The following C1orf105 variants were observed in gnomAD, a reference collection of about 807,000 sequenced individuals.
The protein encoded by C1orf105 is chromosome 1 open reading frame 105.
C1orf105 carries 17 observed loss-of-function variants against 20.8 expected under a neutral mutation model. That is an observed-to-expected ratio of 0.82 (90% CI 0.56 to 1.23). The LOEUF is 1.23. C1orf105 is among the 50% of genes most tolerant of loss of function. C1orf105 has a pLI of 0.00. For missense variants in C1orf105, 219 were observed against 213.5 expected, an observed-to-expected ratio of 1.03 and a Z score of -0.16; for synonymous variants, 72 against 72.1, an observed-to-expected ratio of 1.00 and a Z score of 0.01.
intron 5 of C1orf105, among the ~76,000 whole-genome samples, chr1:172,462,659 AGTTT>A (rs775649621): frequency 4.6e-5 from 7 of 152,144 alleles, no homozygotes; most frequent in Admixed American, 1.3e-4. Flanking sequence ...CCTCTTTATC[AGTTT>A]GTTTGGTTGT....
At chr1:172,441,717 G>C (rs1164562459) in intron 1 of C1orf105, 8 of 1,527,010 alleles carry the variant, frequency 5.2e-6, no homozygotes, top group Non-Finnish European at 7.0e-6. Flanking sequence ...ATAATGTAAT[G>C]GATGTCCTAA....
intron 3 of C1orf105, among the ~76,000 whole-genome samples, chr1:172,455,588 A>G (rs902655529): frequency 1.3e-5 from 2 of 152,230 alleles, no homozygotes; most frequent in Admixed American, 6.5e-5. Context: ...GCAAACTTTT[A>G]TCAGAGATGC....
At chr1:172,454,076 C>T (rs889134028) in intron 3 of C1orf105, among the ~76,000 whole-genome samples, 2 of 152,142 alleles carry the variant, frequency 1.3e-5, no homozygotes, top group Non-Finnish European at 2.9e-5. Flanking sequence ...ATTCCACTTC[C>T]TATAGGGTCT....
intron 5 of C1orf105, among the ~76,000 whole-genome samples, chr1:172,463,326 G>GA (rs1319705752): frequency 1.3e-5 from 2 of 152,152 alleles, no homozygotes; most frequent in African/African-American, 4.8e-5. Context: ...CAATAATGTG[G>GA]AAAAATAAAT....
intron 3 of C1orf105, among the ~76,000 whole-genome samples, chr1:172,449,750 G>A (rs1648402860): frequency 6.6e-6 from 1 of 152,220 alleles, no homozygotes; most frequent in East Asian, 1.9e-4. Context: ...GGACAGGCAA[G>A]TAGGTAACAT....
intron 1 of C1orf105, among the ~76,000 whole-genome samples, chr1:172,427,423 A>G (rs1279593399): frequency 6.6e-6 from 1 of 152,170 alleles, no homozygotes; most frequent in Non-Finnish European, 1.5e-5. Flanking sequence ...GGGTGCAAAC[A>G]TGCTATCATT....
chr1:172,426,303 C>A (rs1325077269), intron 1 of C1orf105, among the ~76,000 whole-genome samples: 6 of 152,050 alleles, frequency 3.9e-5, no homozygotes, highest in Non-Finnish European at 7.4e-5. Flanking sequence ...GTTTTCAGAC[C>A]ATTCTTCTTT....
At chr1:172,423,720 CAGAG>C (rs752914928) in intron 1 of C1orf105, among the ~76,000 whole-genome samples, 1 of 151,892 alleles carries the variant, frequency 6.6e-6, no homozygotes, top group Non-Finnish European at 1.5e-5. Context: ...CAAGATAACA[CAGAG>C]AGGGAGAATT....
chr1:172,443,698 G>T (rs1282865083), intron 1 of C1orf105: 2 of 167,128 alleles, frequency 1.2e-5, no homozygotes, highest in African/African-American at 4.8e-5. Flanking sequence ...GCCAGACACC[G>T]TTACCCCCTC....
intron 4 of C1orf105, among the ~76,000 whole-genome samples, chr1:172,461,612 C>T (rs1649698166): frequency 6.6e-6 from 1 of 152,144 alleles, no homozygotes; most frequent in Non-Finnish European, 1.5e-5. Context: ...ATGAAAGACA[C>T]CTTTAAAATT....
chr1:172,459,769 A>G (rs1049110005), intron 4 of C1orf105, among the ~76,000 whole-genome samples: 2 of 152,202 alleles, frequency 1.3e-5, no homozygotes, highest in Non-Finnish European at 2.9e-5. Flanking sequence ...TAGCAGCCAT[A>G]TCTTAATAGC....
intron 6 of C1orf105, 112 bp from the exon 7 acceptor site, chr1:172,468,337 T>TG: frequency 1.2e-6 from 1 of 808,682 alleles, no homozygotes; most frequent in Non-Finnish European, 1.8e-6. Flanking sequence ...GAATTTTAAA[T>TG]CTGTTTTATA....
At chr1:172,444,248 C>T (rs1013302222) in intron 1 of C1orf105, 2 of 985,272 alleles carry the variant, frequency 2.0e-6, no homozygotes, top group African/African-American at 3.5e-5. Context: ...CCCAGCAATC[C>T]CCTATTGAAA....
chr1:172,422,844 C>T (rs2071625190), intron 1 of C1orf105, among the ~76,000 whole-genome samples: 1 of 152,040 alleles, frequency 6.6e-6, no homozygotes, highest in Non-Finnish European at 1.5e-5. Flanking sequence ...GGCAGTATCC[C>T]AGCAGTACTC....
chr1:172,437,808 T>C (rs898315828), intron 1 of C1orf105, among the ~76,000 whole-genome samples: 1 of 151,742 alleles, frequency 6.6e-6, no homozygotes, highest in Non-Finnish European at 1.5e-5. Context: ...CAAAGGTAGC[T>C]ACACTCAACA....
At chr1:172,464,546 A>T (rs1649906896) in intron 5 of C1orf105, among the ~76,000 whole-genome samples, 1 of 152,082 alleles carries the variant, frequency 6.6e-6, no homozygotes. Context: ...GAGAAATAGG[A>T]TGTGGTCAGG....
intron 2 of C1orf105, among the ~76,000 whole-genome samples, chr1:172,445,906 G>A (rs532346993): frequency 4.8e-4 from 73 of 152,248 alleles, no homozygotes; most frequent in African/African-American, 1.7e-3. Context: ...ATGACTCCTT[G>A]GCATTCGAAA....
Position 172,442,529 on chromosome 1 carries a change from G to A in C1orf105, c.22-2544G>A, listed in dbSNP as rs762595686. On this transcript the variant is annotated intron_variant, in intron 1 of 6. Coordinates refer to ENST00000367727, the MANE Select transcript of C1orf105 (RefSeq NM_139240.4). Reference sequence around the variant, plus strand: ...TTTTTCCGGAGCTCTTCCAGGAATCGCCGGTCCACATAGTTATCAGGAAAG... The same window carrying A: ...TTTTTCCGGAGCTCTTCCAGGAATCACCGGTCCACATAGTTATCAGGAAAG... 1.1e-5 allele frequency: 18 copies of A among 1,613,978 alleles called. No individual in the cohort carries two copies. The East Asian group carries it at 2.7e-4, about 24-fold the overall frequency.
chr1:172,452,727 A>C (rs1648791228), intron 3 of C1orf105: 1 of 964,062 alleles, frequency 1.0e-6, no homozygotes, highest in Admixed American at 6.2e-5. Flanking sequence ...ACTGGCTGAA[A>C]TCTGCATCAT....
Sources: gnomAD v4.1 joint callset for allele counts (sites outside exome capture counted in the v4.1 genomes callset) on GRCh38, gnomAD v4.1.1 for gene constraint, MANE v1.5 for transcripts, NCBI Gene and HGNC (gene_info 2026-07-23, HGNC 2026-07-21) for gene names.